Variants in INO80D observed in about 807,000 individuals in gnomAD.
INO80D encodes the protein INO80 complex subunit D.
Under a neutral mutation model 87.6 loss-of-function variants are expected in INO80D, and 21 were observed. That is an observed-to-expected ratio of 0.24 (90% CI 0.17 to 0.35). INO80D has a LOEUF of 0.35. Ranked by LOEUF, INO80D falls within the 10% of genes least tolerant of loss-of-function variation. INO80D has a pLI of 1.00. For synonymous variants in INO80D, 440 were observed against 491.0 expected (o/e 0.90, Z 1.37); for missense variants, 982 against 1,280.7 (o/e 0.77, Z 3.56).
At chr2:206,006,939 C>T (rs576749136) in intron 10 of INO80D, among the ~76,000 whole-genome samples, 2 of 152,166 alleles carry the variant, frequency 1.3e-5, no homozygotes, top group South Asian at 4.2e-4. Flanking sequence ...CCCAGCTACT[C>T]GGGAGGCCGA....
rs115574144 is a variant in INO80D, at chr2:206,003,714, T to C, written c.*654A>G. On this transcript the variant is annotated 3_prime_UTR_variant, in exon 11 of 11. Coordinates refer to ENST00000403263, the MANE Select transcript of INO80D (RefSeq NM_017759.5). Reference sequence around the variant, plus strand: ...AAGTAAGAGTTTTATACTCATTAAGTAGGGGGAAGGGGAGAACAAAAAAAA... The same window carrying C: ...AAGTAAGAGTTTTATACTCATTAAGCAGGGGGAAGGGGAGAACAAAAAAAA... 0.018 allele frequency: 2,727 copies of C among 153,964 alleles called. 89 individuals carry two copies. Among genetic ancestry groups the C allele is most frequent in the African/African-American group, 0.061 (2,541 of 41,504 alleles). 9.5% of individuals were successfully genotyped at this position (153,964 alleles called of 1,614,324 possible).
At chr2:206,013,489 T>C (rs1688234308) in intron 8 of INO80D, among the ~76,000 whole-genome samples, 1 of 148,916 alleles carries the variant, frequency 6.7e-6, no homozygotes. Context: ...GAGGTGGAGC[T>C]TGCAGTGAGC....
intron 4 of INO80D, among the ~76,000 whole-genome samples, chr2:206,052,160 C>A (rs1384622761): frequency 2.6e-5 from 4 of 152,126 alleles, no homozygotes; most frequent in African/African-American, 9.7e-5. Context: ...TTTATTGCAA[C>A]CTGACCAAAC....
At position 206,005,454 on chromosome 2, in the gene INO80D, C is replaced by G; in HGVS notation, c.1998G>C (p.Glu666Asp). 6.2e-7 allele frequency: 1 copy of G among 1,613,966 alleles called. No individual in the cohort carries two copies. The highest frequency in any genetic ancestry group is 1.7e-5 in the Admixed American group (1 of 60,018). Residue 666 changes from glutamate (E) to aspartate (D), a missense_variant, in exon 11 of 11, where the codon GAG becomes GAC. By Grantham distance (45) the Glu-to-Asp change is conservative. Transcript: ENST00000403263. The part of the protein sequence containing the change: ...ERALQAVTSL[E>D]CLSTIGVLAQ... The stretch of plus-strand genomic sequence containing the variant: ...CAAGGACCCCAATGGTACTCAGGCA[C>G]TCGAGAGAAGTTACAGCCTGCAAGG...
rs1281826792 is a variant in INO80D at position 205,995,112 on chromosome 2, T to C, written c.*9256A>G. ...TTAATGAAAGGAGGAGGCAAATTGG[T>C]GAATTAAGTTGATCTAGGAGATGGT... On this transcript the variant is annotated 3_prime_UTR_variant, in exon 11 of 11. Transcript: ENST00000403263. 6.6e-6 allele frequency: 1 copy of C among 152,174 alleles called. No individual in the cohort carries two copies. The highest frequency in any genetic ancestry group is 1.5e-5 in the Non-Finnish European group (1 of 68,022). The allele number at this position is 152,174 out of a possible 1,614,324, so 9.4% of individuals were successfully genotyped here. A position where few individuals can be genotyped will look rare whatever the true frequency, so the allele number is the denominator to read the frequency against.
intron 5 of INO80D, 84 bp from the exon 6 acceptor site, chr2:206,028,419 G>T: frequency 2.8e-6 from 3 of 1,086,872 alleles, no homozygotes; most frequent in Non-Finnish European, 4.0e-6. Flanking sequence ...AGGAAATGTA[G>T]CTGAATGCAC....
At chr2:206,034,356 C>T (rs1688841782) in intron 5 of INO80D, among the ~76,000 whole-genome samples, 3 of 152,124 alleles carry the variant, frequency 2.0e-5, no homozygotes, top group Admixed American at 2.0e-4. Flanking sequence ...AAAATATTAC[C>T]TAACCGAATC....
rs192750788 is a variant in INO80D, at chr2:206,062,105, G to A, written c.218+694C>T. Among the ~76,000 whole-genome samples the A allele has an allele frequency of 2.6e-5, 4 of 152,122 alleles. No individual in the cohort carries two copies. Among genetic ancestry groups the A allele is most frequent in the Admixed American group, 2.0e-4 (3 of 15,270 alleles). ...AATTCCACTCTTTTCTAAATTTAGC[G>A]AAGCATAAACTCATCATTCTAGTGG... On this transcript the variant is annotated intron_variant, in intron 3 of 10. Coordinates refer to ENST00000403263, the MANE Select transcript of INO80D (RefSeq NM_017759.5). The surrounding 1 kb of genome is among the most constrained non-coding windows in gnomAD (Gnocchi z 4.6).
intron 4 of INO80D, among the ~76,000 whole-genome samples, chr2:206,053,231 T>C (rs988660512): frequency 1.3e-5 from 2 of 152,186 alleles, no homozygotes; most frequent in Admixed American, 6.5e-5. Context: ...CAAGGCTATA[T>C]ACATCTACGA....
At chr2:206,019,403 A>G (rs544214916) in intron 7 of INO80D, among the ~76,000 whole-genome samples, 2 of 152,320 alleles carry the variant, frequency 1.3e-5, no homozygotes, top group East Asian at 3.9e-4. Flanking sequence ...AAATAATGTG[A>G]TTTGATTTTT....
chr2:205,997,878 T>C lies in INO80D; in HGVS notation c.*6490A>G, dbSNP rs1221772222. ...TTTCTACAATACATTCGGTTACCTTTATCTATTTTTATATAAGCACACATT... is the reference window on the plus strand; with the variant it reads ...TTTCTACAATACATTCGGTTACCTTCATCTATTTTTATATAAGCACACATT... On this transcript the variant is annotated 3_prime_UTR_variant, in exon 11 of 11. Transcript: ENST00000403263. 6.6e-6 allele frequency: 1 copy of C among 152,214 alleles called. No individual in the cohort carries two copies. The highest frequency in any genetic ancestry group is 1.5e-5 in the Non-Finnish European group (1 of 68,016). The allele number at this position is 152,214 out of a possible 1,614,324, so 9.4% of individuals were successfully genotyped here.
At chr2:206,076,959 T>G (rs993703100) in intron 1 of INO80D, among the ~76,000 whole-genome samples, 1 of 152,158 alleles carries the variant, frequency 6.6e-6, no homozygotes, top group Non-Finnish European at 1.5e-5. Context: ...AACCCCAGCA[T>G]ATAGTAATCA....
chr2:206,004,002 G>A lies in INO80D; in HGVS notation c.*366C>T. The A allele has an allele frequency of 4.1e-6, 1 of 241,292 alleles. No individual in the cohort carries two copies. The highest frequency in any genetic ancestry group is 8.2e-6 in the Non-Finnish European group (1 of 122,032). 14.9% of individuals were successfully genotyped at this position (241,292 alleles called of 1,614,324 possible). ...CTAGAACCACCTATGTAAAAACCTG[G>A]CAACAGAATGGAAAGCACTGATCTG... On this transcript the variant is annotated 3_prime_UTR_variant, in exon 11 of 11. Transcript: ENST00000403263. This position sits in a 1 kb window ranked among gnomAD's most constrained non-coding sequence, Gnocchi z 4.9.
chr2:206,008,166 T>C (rs995537273), intron 9 of INO80D, among the ~76,000 whole-genome samples: 4 of 151,980 alleles, frequency 2.6e-5, no homozygotes, highest in African/African-American at 9.7e-5. Context: ...TTGTTTTTAG[T>C]AGAGACGGGG....
Position 206,028,339 on chromosome 2 carries a change from GA to G in INO80D, c.1074-5del. ...CTCCGCATCATCATCATCTGACCTG[GA>G]AAGTGCAGGGAGAGAAAGGAAAAAC... On this transcript the variant is annotated splice_region_variant and splice_polypyrimidine_tract_variant and intron_variant, in intron 5 of 10. Coordinates refer to ENST00000403263, the MANE Select transcript of INO80D (RefSeq NM_017759.5). 6.3e-7 allele frequency: 1 copy of G among 1,582,222 alleles called. No homozygotes were observed. Among genetic ancestry groups the G allele is most frequent in the East Asian group, 2.3e-5 (1 of 44,136 alleles).
At position 206,025,528 on chromosome 2, in the gene INO80D, C is replaced by CAAAAAAAAAAA. The variant is rs71410856; in HGVS notation, c.1298+2572_1298+2582dup. Reference sequence around the variant, plus strand: ...ACACAAGAAGAGTGAAACTCCATCTCAAAAAAAAAAAAAAATATATATATA... The same window carrying CAAAAAAAAAAA: ...ACACAAGAAGAGTGAAACTCCATCTCAAAAAAAAAAAAAAAAAAAAAAAAAATATATATATA... On this transcript the variant is annotated intron_variant, in intron 6 of 10. Transcript: ENST00000403263. The CAAAAAAAAAAA allele has an allele frequency of 2.6e-4, 14 of 54,526 alleles. 1 individual carries two copies. Among genetic ancestry groups the CAAAAAAAAAAA allele is most frequent in the African/African-American group, 4.2e-4 (6 of 14,174 alleles). The allele number at this position is 54,526 out of a possible 1,614,324, so 3.4% of individuals were successfully genotyped here. A position where few individuals can be genotyped will look rare whatever the true frequency, so the allele number is the denominator to read the frequency against.
intron 1 of INO80D, among the ~76,000 whole-genome samples, chr2:206,070,889 AT>A (rs71863031): frequency 0.045 from 5,742 of 128,938 alleles, 115 homozygotes; most frequent in South Asian, 0.059. Flanking sequence ...AGGGGACTTG[AT>A]TTTTTTTTTT....
At chr2:206,045,098 A>G (rs1438133958) in intron 5 of INO80D, among the ~76,000 whole-genome samples, 4 of 152,206 alleles carry the variant, frequency 2.6e-5, no homozygotes, top group Non-Finnish European at 5.9e-5. Flanking sequence ...GAATAGATAC[A>G]TCATGCTATT....
intron 3 of INO80D, among the ~76,000 whole-genome samples, chr2:206,060,597 G>A (rs1689662967): frequency 6.8e-6 from 1 of 146,524 alleles, no homozygotes; most frequent in Non-Finnish European, 1.5e-5. Flanking sequence ...TTTCGCTCTT[G>A]TTGCCCAGGC....
Sources: gnomAD v4.1 joint callset for allele counts (sites outside exome capture counted in the v4.1 genomes callset) on GRCh38, gnomAD v4.1.1 for gene constraint, Gnocchi (gnomAD v3.1) non-coding constraint, MANE v1.5 for transcripts, NCBI Gene and HGNC (gene_info 2026-07-23, HGNC 2026-07-21) for gene names.